CHCHD6: variants seen among roughly 807,000 people sequenced by gnomAD.
CHCHD6 encodes coiled-coil-helix-coiled-coil-helix domain containing 6, also known as MICOS complex subunit MIC25.
A neutral mutation model predicts 32.3 loss-of-function variants in CHCHD6; 28 were observed. The ratio of observed to expected loss-of-function variants is 0.87; its 90% CI spans 0.64 to 1.19. The LOEUF is 1.19. Among genes scored for constraint, CHCHD6 ranks in the 50% most tolerant of loss-of-function variants. CHCHD6 has a pLI of 0.00. For missense variants in CHCHD6, 333 were observed against 307.0 expected, an observed-to-expected ratio of 1.08 and a Z score of -0.63; for synonymous variants, 122 against 117.5, an observed-to-expected ratio of 1.04 and a Z score of -0.25.
intron 5 of CHCHD6, among the ~76,000 whole-genome samples, chr3:126,860,041 C>T (rs930552311): frequency 6.6e-5 from 10 of 151,962 alleles, no homozygotes; most frequent in Non-Finnish European, 1.3e-4. Context: ...TTGGAAGAGC[C>T]GCCACCTGCC....
chr3:126,940,236 C>T (rs1325549279), intron 6 of CHCHD6, among the ~76,000 whole-genome samples: 1 of 152,232 alleles, frequency 6.6e-6, no homozygotes. Flanking sequence ...AGTTTGGTGA[C>T]ATCACTCCAT....
intron 6 of CHCHD6, among the ~76,000 whole-genome samples, chr3:126,946,121 A>T (rs2078634702): frequency 6.6e-6 from 1 of 152,094 alleles, no homozygotes; most frequent in South Asian, 2.1e-4. Flanking sequence ...CATGGCTGCA[A>T]GGGGCTGCCA....
rs552100029 is a variant in CHCHD6 at position 126,889,542 on chromosome 3, C to A, written c.496-25138C>A. On this transcript the variant is annotated intron_variant, in intron 5 of 7. Coordinates refer to ENST00000290913, the MANE Select transcript of CHCHD6 (RefSeq NM_032343.3). ...CACCCAGCTCCTGCTGAGCCACTGGCTGGCAGGTGCCTGCAGGAGCAGACT... is the reference window on the plus strand; with the variant it reads ...CACCCAGCTCCTGCTGAGCCACTGGATGGCAGGTGCCTGCAGGAGCAGACT... Among the ~76,000 whole-genome samples, 127 of 152,302 alleles carry A rather than the reference C, an allele frequency of 8.3e-4. 2 individuals carry two copies. The highest frequency in any genetic ancestry group is 3.0e-3 in the African/African-American group (123 of 41,582).
intron 4 of CHCHD6, among the ~76,000 whole-genome samples, chr3:126,808,780 C>T (rs1368932081): frequency 6.6e-6 from 1 of 152,128 alleles, no homozygotes; most frequent in Non-Finnish European, 1.5e-5. Flanking sequence ...CCCCAAGTTG[C>T]CCTCGTTTGG....
At chr3:126,903,624 C>T (rs1184935674) in intron 5 of CHCHD6, among the ~76,000 whole-genome samples, 4 of 152,160 alleles carry the variant, frequency 2.6e-5, no homozygotes, top group Non-Finnish European at 5.9e-5. Context: ...AATGTAAAAA[C>T]CAACTACCCA....
At chr3:126,921,408 G>C (rs2078245119) in intron 6 of CHCHD6, among the ~76,000 whole-genome samples, 2 of 151,078 alleles carry the variant, frequency 1.3e-5, no homozygotes. Flanking sequence ...CCTCACAGCA[G>C]CACAGAAGGC....
chr3:126,741,309 T>G (rs1936279041), intron 4 of CHCHD6, among the ~76,000 whole-genome samples: 1 of 151,918 alleles, frequency 6.6e-6, no homozygotes, highest in Non-Finnish European at 1.5e-5. Flanking sequence ...ATGACAGAAT[T>G]GATGTGAACT....
At chr3:126,844,854 A>G (rs533603223) in intron 4 of CHCHD6, among the ~76,000 whole-genome samples, 2 of 152,262 alleles carry the variant, frequency 1.3e-5, no homozygotes, top group East Asian at 3.9e-4. Flanking sequence ...GGAAGGCAGG[A>G]GAGACAGAAA....
chr3:126,804,007 T>A (rs553747262), intron 4 of CHCHD6, among the ~76,000 whole-genome samples: 1 of 152,236 alleles, frequency 6.6e-6, no homozygotes, highest in East Asian at 1.9e-4. Context: ...GATGTTCTTT[T>A]AAACCAACGA....
intron 4 of CHCHD6, among the ~76,000 whole-genome samples, chr3:126,735,036 C>T (rs1298286280): frequency 6.6e-6 from 1 of 152,136 alleles, no homozygotes; most frequent in African/African-American, 2.4e-5. Flanking sequence ...CCTTCAGAGG[C>T]TCTTGCAGTC....
intron 4 of CHCHD6, among the ~76,000 whole-genome samples, chr3:126,796,345 C>G (rs967587419): frequency 7.2e-5 from 11 of 152,116 alleles, no homozygotes; most frequent in African/African-American, 2.7e-4. Context: ...GTGAGAGACC[C>G]TGTCAATCAG....
chr3:126,723,902 T>C (rs1935423215), intron 1 of CHCHD6, among the ~76,000 whole-genome samples: 1 of 152,206 alleles, frequency 6.6e-6, no homozygotes, highest in Non-Finnish European at 1.5e-5. Context: ...CTTGCACATA[T>C]TAGGCACTTA....
chr3:126,875,624 A>G (rs2077530275), intron 5 of CHCHD6, among the ~76,000 whole-genome samples: 1 of 152,200 alleles, frequency 6.6e-6, no homozygotes, highest in African/African-American at 2.4e-5. Context: ...TGATGGCATC[A>G]TACTTCATGC....
chr3:126,861,592 A>G (rs1225630490), intron 5 of CHCHD6, among the ~76,000 whole-genome samples: 2 of 148,556 alleles, frequency 1.3e-5, no homozygotes, highest in Non-Finnish European at 3.0e-5. Context: ...CTCCATCACT[A>G]CCTCCACCAT....
intron 4 of CHCHD6, among the ~76,000 whole-genome samples, chr3:126,850,255 G>A (rs964143833): frequency 5.9e-5 from 9 of 152,200 alleles, no homozygotes; most frequent in African/African-American, 1.9e-4. Flanking sequence ...TGCACATCAC[G>A]GAGTTTTCAT....
intron 5 of CHCHD6, among the ~76,000 whole-genome samples, chr3:126,900,727 C>T (rs962809615): frequency 6.6e-6 from 1 of 151,720 alleles, no homozygotes; most frequent in Non-Finnish European, 1.5e-5. Context: ...GCCTCAGCCT[C>T]CCAAGTAGCT....
chr3:126,917,338 T>TGG (rs2107591798), intron 6 of CHCHD6, among the ~76,000 whole-genome samples: 1 of 152,346 alleles, frequency 6.6e-6, no homozygotes, highest in Admixed American at 6.5e-5. Flanking sequence ...GTGGCAGGGC[T>TGG]GGGGTTGCTC....
At position 126,759,404 on chromosome 3, in the gene CHCHD6, T is replaced by C. The variant is rs1937082319; in HGVS notation, c.411+26182T>C. On this transcript the variant is annotated intron_variant, in intron 4 of 7. Coordinates refer to ENST00000290913, the MANE Select transcript of CHCHD6 (RefSeq NM_032343.3). The stretch of plus-strand genomic sequence containing the variant: ...CTCATACATAGGCTACATTCAGTTT[T>C]CCTTGTCCCAATCAAGTCTTTTGTA... Among the ~76,000 whole-genome samples, 2 of 152,244 alleles carry C rather than the reference T, an allele frequency of 1.3e-5. 1 individual carries two copies. Among genetic ancestry groups the C allele is most frequent in the South Asian group, 4.1e-4 (2 of 4,832 alleles).
intron 5 of CHCHD6, among the ~76,000 whole-genome samples, chr3:126,863,335 TCC>T (rs1942035652): frequency 2.7e-5 from 1 of 37,274 alleles, no homozygotes; most frequent in Non-Finnish European, 5.0e-5. Context: ...CTCCTCCTCC[TCC>T]ATCACCTCCT....
Sources: gnomAD v4.1 joint callset for allele counts (sites outside exome capture counted in the v4.1 genomes callset) on GRCh38, gnomAD v4.1.1 for gene constraint, MANE v1.5 for transcripts, NCBI Gene and HGNC (gene_info 2026-07-23, HGNC 2026-07-21) for gene names.